The following ITIH5 variants were observed in gnomAD, a reference collection of about 807,000 sequenced individuals.
ITIH5 encodes inter-alpha-trypsin inhibitor heavy chain H5.
A neutral mutation model predicts 77.5 loss-of-function variants in ITIH5; 65 were observed. The ratio of observed to expected loss-of-function variants is 0.84; its 90% confidence interval spans 0.69 to 1.03. ITIH5 has a LOEUF of 1.03. ITIH5 is among the 50% of genes least tolerant of loss of function. The probability of loss-of-function intolerance (pLI) is 0.00; values close to 1 mark genes in which losing one functional copy is unlikely to be tolerated. For synonymous variants in ITIH5, 525 were observed against 494.3 expected (o/e 1.06, Z -0.82); for missense variants, 1,208 against 1,213.1 (o/e 1.00, Z 0.06).
intron 5 of ITIH5, chr10:7,618,106 G>A (rs1414729842): frequency 1.3e-5 from 2 of 151,956 alleles, no homozygotes; most frequent in Non-Finnish European, 2.9e-5. Context: ...TGGGACTACA[G>A]GCACACACCA....
intron 8 of ITIH5, among the ~76,000 whole-genome samples, chr10:7,583,375 G>A (rs534159686): frequency 2.0e-4 from 30 of 152,228 alleles, no homozygotes; most frequent in Admixed American, 4.6e-4. Flanking sequence ...CTCTGTCACC[G>A]GGGCTGGAGT....
At chr10:7,615,695 C>G (rs1833349259) in intron 7 of ITIH5, among the ~76,000 whole-genome samples, 1 of 152,200 alleles carries the variant, frequency 6.6e-6, no homozygotes, top group African/African-American at 2.4e-5. Context: ...GTGCTGAGGA[C>G]TGGCCCTGTC....
intron 5 of ITIH5, among the ~76,000 whole-genome samples, chr10:7,631,181 CACTT>C (rs1456719406): frequency 1.3e-5 from 2 of 152,162 alleles, no homozygotes; most frequent in Admixed American, 1.3e-4. Flanking sequence ...AAAATACTGA[CACTT>C]AGTTTCCATC....
chr10:7,624,900 CAT>C (rs1833550295), intron 5 of ITIH5, among the ~76,000 whole-genome samples: 1 of 26,186 alleles, frequency 3.8e-5, no homozygotes, highest in Admixed American at 5.3e-4. Context: ...TATATATATA[CAT>C]ACATATATAT....
At chr10:7,662,507 T>G (rs996300496) in intron 1 of ITIH5, among the ~76,000 whole-genome samples, 6 of 152,214 alleles carry the variant, frequency 3.9e-5, no homozygotes, top group Non-Finnish European at 4.4e-5. Context: ...TAAATCGACC[T>G]ACTCCACTGC....
chr10:7,568,317 G>A (rs1490995972), intron 12 of ITIH5, among the ~76,000 whole-genome samples: 1 of 152,160 alleles, frequency 6.6e-6, no homozygotes, highest in Non-Finnish European at 1.5e-5. Flanking sequence ...CTTCTCTGGG[G>A]CAAGGGGTCA....
chr10:7,584,972 G>A (rs1346082326), intron 8 of ITIH5, among the ~76,000 whole-genome samples: 2 of 152,204 alleles, frequency 1.3e-5, no homozygotes, highest in Non-Finnish European at 2.9e-5. Flanking sequence ...TCCACATTAA[G>A]TTCATTTGGG....
At chr10:7,565,215 T>C (rs1832123540) in intron 13 of ITIH5, among the ~76,000 whole-genome samples, 1 of 143,666 alleles carries the variant, frequency 7.0e-6, no homozygotes, top group Non-Finnish European at 1.5e-5. Context: ...TACACACACA[T>C]CATACATACA....
chr10:7,565,900 T>C lies in ITIH5; in HGVS notation c.2527+130A>G, dbSNP rs549617283. ...CACATACATACATACATATGCGGAC[T>C]GTATATATAATGAAAACCACATTCC... On this transcript the variant is annotated intron_variant, in intron 13 of 13. Coordinates refer to ENST00000397146, the MANE Select transcript of ITIH5 (RefSeq NM_030569.7). The C allele has an allele frequency of 4.1e-6, 5 of 1,223,196 alleles. No individual in the cohort carries two copies. In the East Asian group the frequency reaches 9.4e-5, roughly 23 times the overall value. The allele number at this position is 1,223,196 out of a possible 1,614,324, so 75.8% of individuals were successfully genotyped here.
chr10:7,566,868 A>G (rs868572254), intron 12 of ITIH5, among the ~76,000 whole-genome samples: 2 of 99,698 alleles, frequency 2.0e-5, no homozygotes, highest in African/African-American at 4.7e-5. Context: ...AAGAAGAAGA[A>G]GAAGAAGAAG....
At chr10:7,646,074 C>T (rs1834005155) in intron 2 of ITIH5, among the ~76,000 whole-genome samples, 1 of 152,154 alleles carries the variant, frequency 6.6e-6, no homozygotes, top group Non-Finnish European at 1.5e-5. Flanking sequence ...TCTTTTATCT[C>T]CAAATCTAAA....
At chr10:7,600,343 T>C (rs1278940351) in intron 7 of ITIH5, among the ~76,000 whole-genome samples, 1 of 152,216 alleles carries the variant, frequency 6.6e-6, no homozygotes, top group Non-Finnish European at 1.5e-5. Flanking sequence ...CCTGGTCCCC[T>C]GAAACATGCT....
chr10:7,562,945 C>A lies in ITIH5; in HGVS notation c.*138G>T, dbSNP rs1449411359. 3.7e-6 allele frequency: 2 copies of A among 540,220 alleles called. No homozygotes were observed. The highest frequency in any genetic ancestry group is 1.9e-5 in the African/African-American group (1 of 52,558). 33.5% of individuals were successfully genotyped at this position (540,220 alleles called of 1,614,324 possible). A position where few individuals can be genotyped will look rare whatever the true frequency, so the allele number is the denominator to read the frequency against. On this transcript the variant is annotated 3_prime_UTR_variant, in exon 14 of 14. Coordinates refer to ENST00000397146, the MANE Select transcript of ITIH5 (RefSeq NM_030569.7). Reference sequence around the variant, plus strand: ...CCCTTCGCCCAGACAGACGTCGGATCTATGCTGCACCAGGGGTGGGTCATG... The same window carrying A: ...CCCTTCGCCCAGACAGACGTCGGATATATGCTGCACCAGGGGTGGGTCATG...
intron 5 of ITIH5, chr10:7,620,680 A>G (rs1173300552): frequency 8.7e-6 from 1 of 114,760 alleles, no homozygotes; most frequent in East Asian, 3.4e-4. Flanking sequence ...TTATTTGCCA[A>G]ACAGACCCCT....
At chr10:7,631,051 A>G (rs1833703914) in intron 5 of ITIH5, among the ~76,000 whole-genome samples, 3 of 152,162 alleles carry the variant, frequency 2.0e-5, no homozygotes, top group African/African-American at 7.2e-5. Flanking sequence ...GAAAAAAAAA[A>G]AAGAGTTTAG....
In ITIH5 at chr10:7,637,235, G is replaced by C. The variant is rs1833812942; in HGVS notation, c.645C>G (p.Arg215=). ...CCAGCACGCAGGACTCACCTTCCCC[G>C]CGCCCACTGCCCCTCTGCCTGCTGT... The part of the protein sequence containing the change: ...LHNSRQRGSG[R]GEDDSGPPPS... Residue 215 remains arginine, a synonymous_variant, in exon 5 of 14, where the codon CGC becomes CGG. Transcript: ENST00000397146. 1.9e-6 allele frequency: 3 copies of C among 1,607,172 alleles called. No individual in the cohort carries two copies. The highest frequency in any genetic ancestry group is 2.7e-5 in the African/African-American group (2 of 74,876).
At chr10:7,605,991 G>A (rs1833118270) in intron 7 of ITIH5, among the ~76,000 whole-genome samples, 1 of 152,216 alleles carries the variant, frequency 6.6e-6, no homozygotes, top group South Asian at 2.1e-4. Flanking sequence ...CTGAGCAGGT[G>A]ATGCCGGAGC....
chr10:7,620,462 A>C (rs562486029), intron 5 of ITIH5: 1 of 152,344 alleles, frequency 6.6e-6, no homozygotes, highest in Admixed American at 6.5e-5. Context: ...AGGAAAGAGC[A>C]CGTGGTAATT....
intron 1 of ITIH5, among the ~76,000 whole-genome samples, chr10:7,658,209 A>G (rs1366942736): frequency 6.6e-6 from 1 of 152,214 alleles, no homozygotes; most frequent in Non-Finnish European, 1.5e-5. Flanking sequence ...ACTTTTCTGT[A>G]TGACCTCAAG....
Sources: allele counts gnomAD v4.1 joint callset (sites outside exome capture counted in the v4.1 genomes callset), GRCh38; gene constraint gnomAD v4.1.1; transcripts MANE v1.5; gene names NCBI Gene and HGNC (gene_info 2026-07-23, HGNC 2026-07-21).